PCSK6: variants seen among roughly 807,000 people sequenced by gnomAD.
PCSK6 encodes paired basic amino acid cleaving enzyme 4.
In PCSK6, 85 loss-of-function variants were observed where a neutral mutation model predicts 123.3. The ratio of observed to expected loss-of-function variants is 0.69; its 90% CI spans 0.58 to 0.83. The LOEUF (loss-of-function observed/expected upper bound fraction) is 0.83, where lower values mean the gene tolerates loss of function less well. Ranked by LOEUF, PCSK6 falls within the 40% of genes least tolerant of loss-of-function variation. PCSK6 has a pLI of 0.00. For synonymous variants in PCSK6, 508 were observed against 516.0 expected (o/e 0.98, Z 0.21); for missense variants, 1,191 against 1,282.3 (o/e 0.93, Z 1.09).
intron 9 of PCSK6, among the ~76,000 whole-genome samples, chr15:101,387,461 C>A (rs1221010497): frequency 1.3e-5 from 2 of 152,114 alleles, no homozygotes; most frequent in African/African-American, 4.8e-5. Context: ...CAGAATGGGT[C>A]CAGGGAGTGA....
rs548558206 is a variant in PCSK6 at position 101,364,268 on chromosome 15, C to A, written c.1858+1928G>T. Among the ~76,000 whole-genome samples the A allele has an allele frequency of 8.9e-4, 135 of 152,180 alleles. 1 individual carries two copies. The highest frequency in any genetic ancestry group is 2.6e-3 in the Admixed American group (40 of 15,286). On this transcript the variant is annotated intron_variant, in intron 13 of 21. Coordinates refer to ENST00000611716, the MANE Select transcript of PCSK6 (RefSeq NM_002570.5). Reference sequence around the variant, plus strand: ...GAAAGCAAACCTTGAGGAAACTCGCCCATAGAAAAGCAAGATCCCAGCACA... The same window carrying A: ...GAAAGCAAACCTTGAGGAAACTCGCACATAGAAAAGCAAGATCCCAGCACA...
chr15:101,334,244 A>G (rs1178117284), intron 13 of PCSK6: 1 of 130,616 alleles, frequency 7.7e-6, no homozygotes, highest in Admixed American at 7.7e-5. Flanking sequence ...GTGACACAGG[A>G]AGTTGTTCTC....
chr15:101,465,482 C>T (rs1173721773), intron 1 of PCSK6, among the ~76,000 whole-genome samples: 1 of 152,142 alleles, frequency 6.6e-6, no homozygotes, highest in Non-Finnish European at 1.5e-5. Context: ...GCGGACACAC[C>T]CAGGAACGGC....
chr15:101,468,992 C>T (rs1327688046), intron 1 of PCSK6, among the ~76,000 whole-genome samples: 2 of 152,170 alleles, frequency 1.3e-5, no homozygotes, highest in Non-Finnish European at 2.9e-5. Context: ...ATCAAGGTGT[C>T]GTCGAAAGTG....
chr15:101,451,059 G>A (rs1231295491), intron 1 of PCSK6, among the ~76,000 whole-genome samples: 1 of 151,678 alleles, frequency 6.6e-6, no homozygotes, highest in Non-Finnish European at 1.5e-5. Flanking sequence ...CCTGGCTTGG[G>A]GTTTACAGAA....
chr15:101,321,392 G>C (rs888674674), intron 18 of PCSK6, among the ~76,000 whole-genome samples: 2 of 152,160 alleles, frequency 1.3e-5, no homozygotes, highest in African/African-American at 2.4e-5. Flanking sequence ...CTCTGATCTG[G>C]AAGAAAGAGG....
At chr15:101,446,540 C>T (rs1479079057) in intron 1 of PCSK6, among the ~76,000 whole-genome samples, 2 of 152,130 alleles carry the variant, frequency 1.3e-5, no homozygotes, top group Non-Finnish European at 2.9e-5. Flanking sequence ...TGGAACATAG[C>T]CACACCCACC....
intron 1 of PCSK6, among the ~76,000 whole-genome samples, chr15:101,461,421 G>A (rs568107153): frequency 1.3e-5 from 2 of 152,290 alleles, no homozygotes; most frequent in African/African-American, 4.8e-5. Flanking sequence ...CAGGTAAGCT[G>A]TACCAAAATT....
rs1304182633 is a variant in PCSK6 at position 101,384,377 on chromosome 15, G to C, written c.1359C>G (p.Ser453=). The C allele has an allele frequency of 1.2e-6, 2 of 1,613,836 alleles. No individual in the cohort carries two copies. Among genetic ancestry groups the C allele is most frequent in the Non-Finnish European group, 1.7e-6 (2 of 1,179,836 alleles). The part of the protein sequence containing the change: ...RDVQHLLVKT[S]RPAHLKASDW... ...CGCTCGCTTTCAGGTGGGCCGGCCG[G>C]GATGTCTTCACTAGCAGGTGCTGGA... The change falls in exon 10 of 22, where the codon TCC becomes TCG. Residue 453 remains serine, a synonymous_variant. Coordinates refer to ENST00000611716, the MANE Select transcript of PCSK6 (RefSeq NM_002570.5).
chr15:101,384,457 A>G (rs1162265377), intron 9 of PCSK6, 32 bp from the exon 10 acceptor site: 1 of 1,586,474 alleles, frequency 6.3e-7, no homozygotes, highest in Non-Finnish European at 8.6e-7. Context: ...TAGAGTCCAC[A>G]CAGCTCAACA....
rs118044232 is a variant in PCSK6 at position 101,316,828 on chromosome 15, C to T, written c.2569+1491G>A. Among the ~76,000 whole-genome samples, 139 of 150,710 alleles carry T rather than the reference C, an allele frequency of 9.2e-4. 1 individual carries two copies. The East Asian group carries it at 0.024, about 26-fold the overall frequency. ...TGCATGGGGTGCTCATGGCCGGCCA[C>T]GTGGGGAGGGGTGTGCCCATTCTGC... On this transcript the variant is annotated intron_variant, in intron 19 of 21. Transcript: ENST00000611716.
At chr15:101,312,312 A>G (rs2039884263) in intron 20 of PCSK6, 1 of 151,938 alleles carries the variant, frequency 6.6e-6, no homozygotes, top group Non-Finnish European at 1.5e-5. Flanking sequence ...CAGCCAGAAA[A>G]GAGGAGACCA....
chr15:101,405,113 A>G (rs2042730658), intron 6 of PCSK6, among the ~76,000 whole-genome samples: 1 of 152,208 alleles, frequency 6.6e-6, no homozygotes, highest in Non-Finnish European at 1.5e-5. Flanking sequence ...GAAAAGGTAA[A>G]TATTTTCAGT....
At chr15:101,395,435 T>C (rs747539) in intron 7 of PCSK6, among the ~76,000 whole-genome samples, 48,950 of 152,106 alleles carry the variant, frequency 0.32, 8,361 homozygotes, top group Non-Finnish European at 0.38. Context: ...TTACAGCATG[T>C]AGCATGCATT....
chr15:101,314,889 G>A (rs766543975), intron 19 of PCSK6, among the ~76,000 whole-genome samples: 6 of 152,198 alleles, frequency 3.9e-5, no homozygotes, highest in Non-Finnish European at 7.3e-5. Context: ...GAGGCTGCTC[G>A]TATGCTTTGG....
chr15:101,362,883 T>C (rs1439518167), intron 13 of PCSK6, among the ~76,000 whole-genome samples: 1 of 152,158 alleles, frequency 6.6e-6, no homozygotes, highest in Non-Finnish European at 1.5e-5. Context: ...GCTTAGTTTG[T>C]TAGAACCATA....
At chr15:101,352,424 A>C (rs936181379) in intron 13 of PCSK6, among the ~76,000 whole-genome samples, 10 of 152,184 alleles carry the variant, frequency 6.6e-5, no homozygotes, top group Non-Finnish European at 1.2e-4. Flanking sequence ...CTGAGATTAC[A>C]GGAATATTTT....
At chr15:101,331,767 A>C in intron 14 of PCSK6, 78 bp from the exon 15 acceptor site, 1 of 1,598,378 alleles carries the variant, frequency 6.3e-7, no homozygotes, top group Non-Finnish European at 8.6e-7. Flanking sequence ...CACCTTTGCC[A>C]GGAGCAGCCC....
At chr15:101,475,689 C>T (rs2057714309) in intron 1 of PCSK6, among the ~76,000 whole-genome samples, 1 of 139,822 alleles carries the variant, frequency 7.2e-6, no homozygotes, top group Non-Finnish European at 1.5e-5. Context: ...CAGGAACTTG[C>T]CATCTTGCCC....
Sources: gnomAD v4.1 joint callset for allele counts (sites outside exome capture counted in the v4.1 genomes callset) on GRCh38, gnomAD v4.1.1 for gene constraint, MANE v1.5 for transcripts, NCBI Gene and HGNC (gene_info 2026-07-23, HGNC 2026-07-21) for gene names.